PPFIA2: variants seen among roughly 807,000 people sequenced by gnomAD.
The protein encoded by PPFIA2 is PPFI scaffold protein A2.
Under a neutral mutation model 175.5 loss-of-function variants are expected in PPFIA2, and 46 were observed. That is an observed-to-expected ratio of 0.26 (90% CI 0.21 to 0.34). PPFIA2 has a LOEUF of 0.34. PPFIA2 is among the 10% of genes least tolerant of loss of function. The pLI, the probability that PPFIA2 is intolerant of heterozygous loss-of-function variation, is 1.00. For missense variants in PPFIA2, 1,179 were observed against 1,506.1 expected, an observed-to-expected ratio of 0.78 and a Z score of 3.60; for synonymous variants, 568 against 511.4, an observed-to-expected ratio of 1.11 and a Z score of -1.49.
intron 4 of PPFIA2, among the ~76,000 whole-genome samples, chr12:81,483,399 CT>C (rs1196024789): frequency 3.4e-4 from 51 of 151,968 alleles, no homozygotes; most frequent in African/African-American, 1.2e-3. Flanking sequence ...TATTTATAAG[CT>C]ATAACAAAGA....
intron 3 of PPFIA2, among the ~76,000 whole-genome samples, chr12:81,736,692 G>T (rs2153647824): frequency 6.6e-6 from 1 of 152,092 alleles, no homozygotes; most frequent in African/African-American, 2.4e-5. Flanking sequence ...AATGGTAACT[G>T]CTTATTTTGT....
intron 3 of PPFIA2, among the ~76,000 whole-genome samples, chr12:81,728,037 A>T (rs1235010341): frequency 6.6e-6 from 1 of 151,520 alleles, no homozygotes; most frequent in Non-Finnish European, 1.5e-5. Context: ...TATTAGGAAC[A>T]TAATAAAATG....
intron 22 of PPFIA2, among the ~76,000 whole-genome samples, chr12:81,301,881 AT>A (rs1040356575): frequency 6.6e-6 from 1 of 152,114 alleles, no homozygotes; most frequent in African/African-American, 2.4e-5. Flanking sequence ...GGAATTTCTT[AT>A]CCCCATTGTT....
chr12:81,531,515 T>C (rs777576933), intron 4 of PPFIA2, among the ~76,000 whole-genome samples: 1 of 151,706 alleles, frequency 6.6e-6, no homozygotes, highest in Non-Finnish European at 1.5e-5. Context: ...CCCTAGGCTA[T>C]AAATAGATCA....
At chr12:81,531,838 A>G (rs567430195) in intron 4 of PPFIA2, among the ~76,000 whole-genome samples, 1 of 151,968 alleles carries the variant, frequency 6.6e-6, no homozygotes, top group South Asian at 2.1e-4. Context: ...GGCTTTAATA[A>G]TAATGGTACT....
chr12:81,599,395 C>T (rs2059573340), intron 4 of PPFIA2, among the ~76,000 whole-genome samples: 1 of 151,860 alleles, frequency 6.6e-6, no homozygotes, highest in Admixed American at 6.6e-5. Flanking sequence ...AAAAGTGATC[C>T]TCAATTCTTT....
intron 7 of PPFIA2, among the ~76,000 whole-genome samples, chr12:81,418,468 AAG>A (rs1263308648): frequency 6.6e-6 from 1 of 151,972 alleles, no homozygotes; most frequent in Non-Finnish European, 1.5e-5. Flanking sequence ...AAAACATTAA[AAG>A]AGAATAATAT....
Position 81,754,026 on chromosome 12 carries a change from C to T in PPFIA2, c.196G>A (p.Val66Ile), listed in dbSNP as rs1173557420. 6.2e-7 allele frequency: 1 copy of T among 1,613,904 alleles called. No individual in the cohort carries two copies. Among genetic ancestry groups the T allele is most frequent in the Non-Finnish European group, 8.5e-7 (1 of 1,179,864 alleles). Residue 66 changes from valine to isoleucine, a missense_variant, in exon 3 of 33, where the codon GTC (valine) becomes ATC (isoleucine). Val to Ile is a conservative substitution (Grantham distance 29). Coordinates refer to ENST00000549396, the MANE Select transcript of PPFIA2 (RefSeq NM_003625.5). Reference sequence around the variant, plus strand: ...TGGAGTGAGTCTCGGTCATAGATGACATCCTGAAGTCTTTGCTGGGCAAGT... The same window carrying T: ...TGGAGTGAGTCTCGGTCATAGATGATATCCTGAAGTCTTTGCTGGGCAAGT... ...LSLAQQRLQD[V>I]IYDRDSLQRQ...
chr12:81,302,719 T>G (rs2138486191), intron 22 of PPFIA2: 1 of 451,838 alleles, frequency 2.2e-6, no homozygotes. Flanking sequence ...TAACAATTAT[T>G]TAAAAAAGAA....
At chr12:81,714,674 G>A (rs892119188) in intron 3 of PPFIA2, among the ~76,000 whole-genome samples, 1 of 150,952 alleles carries the variant, frequency 6.6e-6, no homozygotes, top group Non-Finnish European at 1.5e-5. Context: ...TGGTTATTTT[G>A]TTAGACTCTG....
intron 4 of PPFIA2, chr12:81,471,439 C>T (rs1220202244): frequency 6.7e-6 from 1 of 149,854 alleles, no homozygotes; most frequent in Non-Finnish European, 1.5e-5. Context: ...GCTGAGATTT[C>T]AGCCATGAGC....
intron 23 of PPFIA2, among the ~76,000 whole-genome samples, 156 bp from the exon 24 acceptor site, chr12:81,295,191 A>G (rs1882187): frequency 0.54 from 81,988 of 152,052 alleles, 22,728 homozygotes; most frequent in East Asian, 0.87. Context: ...TAGATGCACA[A>G]AGAAATTAAA....
intron 3 of PPFIA2, among the ~76,000 whole-genome samples, chr12:81,703,162 A>G (rs1310939023): frequency 6.6e-6 from 1 of 152,114 alleles, no homozygotes; most frequent in Non-Finnish European, 1.5e-5. Flanking sequence ...ATTAAAGGCT[A>G]CTTACTGTCA....
rs889290821 is a variant in PPFIA2, at chr12:81,467,963, T to C, written c.304-10097A>G. Among the ~76,000 whole-genome samples, 5 of 152,226 alleles carry C rather than the reference T, an allele frequency of 3.3e-5. No individual in the cohort carries two copies. In the South Asian group the frequency reaches 8.3e-4, roughly 25 times the overall value. On this transcript the variant is annotated intron_variant, in intron 4 of 32. Coordinates refer to ENST00000549396, the MANE Select transcript of PPFIA2 (RefSeq NM_003625.5). ...TTTGAGTGGCTGCCTTGTTCCCATATCCTGTCCCTCTGCATAATATTACTA... is the reference window on the plus strand; with the variant it reads ...TTTGAGTGGCTGCCTTGTTCCCATACCCTGTCCCTCTGCATAATATTACTA...
At chr12:81,661,143 C>T (rs1331372475) in intron 4 of PPFIA2, among the ~76,000 whole-genome samples, 20 of 152,058 alleles carry the variant, frequency 1.3e-4, no homozygotes, top group Non-Finnish European at 2.1e-4. Context: ...CATCAACTAA[C>T]GAGCAAAATA....
At chr12:81,384,666 T>G (rs967702241) in intron 8 of PPFIA2, among the ~76,000 whole-genome samples, 4 of 152,128 alleles carry the variant, frequency 2.6e-5, no homozygotes, top group Admixed American at 2.6e-4. Context: ...TTAAAATTTT[T>G]CTTCAAGATC....
chr12:81,574,937 A>T (rs952846115), intron 4 of PPFIA2, among the ~76,000 whole-genome samples: 1 of 151,748 alleles, frequency 6.6e-6, no homozygotes, highest in African/African-American at 2.4e-5. Context: ...ATTAAAACTA[A>T]TTTGAATGCT....
intron 7 of PPFIA2, among the ~76,000 whole-genome samples, chr12:81,439,166 CCTCTCTCTCTCT>C (rs375429110): frequency 6.8e-6 from 1 of 146,356 alleles, no homozygotes; most frequent in Non-Finnish European, 1.5e-5. Context: ...TCTCTCTCTC[CCTCTCTCTCTCT>C]CTCTCTCTAT....
intron 3 of PPFIA2, among the ~76,000 whole-genome samples, chr12:81,751,398 G>A (rs2083748551): frequency 7.0e-6 from 1 of 142,404 alleles, no homozygotes; most frequent in Non-Finnish European, 1.5e-5. Flanking sequence ...TACTTATCAT[G>A]AGACTATTTA....
Sources: gnomAD v4.1 joint callset for allele counts (sites outside exome capture counted in the v4.1 genomes callset) on GRCh38, gnomAD v4.1.1 for gene constraint, MANE v1.5 for transcripts, NCBI Gene and HGNC (gene_info 2026-07-23, HGNC 2026-07-21) for gene names.